Variants in GLRA3 observed in about 807,000 individuals in gnomAD.
GLRA3 encodes glycine receptor alpha 3.
Under a neutral mutation model 60.4 loss-of-function variants are expected in GLRA3, and 44 were observed. The observed-to-expected ratio is 0.73, with a 90% CI of 0.57 to 0.94. The LOEUF (loss-of-function observed/expected upper bound fraction) is 0.94, where lower values mean the gene tolerates loss of function less well. Among genes scored for constraint, GLRA3 ranks in the 40% least tolerant of loss-of-function variants. The pLI is 0.00. For missense variants in GLRA3, 508 were observed against 564.6 expected (o/e 0.90, Z 1.02); for synonymous variants, 223 against 192.9 (o/e 1.16, Z -1.29).
intron 5 of GLRA3, among the ~76,000 whole-genome samples, chr4:174,684,225 A>G (rs1579440672): frequency 6.6e-6 from 1 of 152,138 alleles, no homozygotes; most frequent in African/African-American, 2.4e-5. Context: ...TTTCACTACC[A>G]TAAAGGATTC....
intron 2 of GLRA3, among the ~76,000 whole-genome samples, chr4:174,772,285 A>C (rs1230767594): frequency 2.6e-5 from 4 of 152,208 alleles, no homozygotes; most frequent in African/African-American, 9.6e-5. Context: ...TCCAATAAGA[A>C]GCAGAAAGCT....
Position 174,641,998 on chromosome 4 carries a change from C to T in GLRA3, c.*1788G>A. 9.5e-6 allele frequency: 2 copies of T among 211,268 alleles called. No individual in the cohort carries two copies. Among genetic ancestry groups the T allele is most frequent in the Non-Finnish European group, 1.6e-5 (2 of 122,378 alleles). 13.1% of individuals were successfully genotyped at this position (211,268 alleles called of 1,614,324 possible). A position where few individuals can be genotyped will look rare whatever the true frequency, so the allele number is the denominator to read the frequency against. On this transcript the variant is annotated 3_prime_UTR_variant, in exon 10 of 10. Coordinates refer to ENST00000274093, the MANE Select transcript of GLRA3 (RefSeq NM_006529.4). ...ATGTTTAATTTTCAGGTGCACAGTC[C>T]TCAACGTGGGTACTTACAGAGTAAC...
intron 1 of GLRA3, among the ~76,000 whole-genome samples, chr4:174,800,836 G>A (rs1407686461): frequency 1.3e-5 from 2 of 151,976 alleles, no homozygotes; most frequent in Non-Finnish European, 2.9e-5. Flanking sequence ...CTTTCTGATG[G>A]TTTGGGCTGC....
chr4:174,777,400 C>T (rs1173859411), intron 2 of GLRA3, among the ~76,000 whole-genome samples: 1 of 152,042 alleles, frequency 6.6e-6, no homozygotes, highest in East Asian at 1.9e-4. Context: ...CACAGAGGAA[C>T]CTGAAAAGCA....
intron 1 of GLRA3, among the ~76,000 whole-genome samples, chr4:174,820,285 C>T (rs1740691158): frequency 6.6e-6 from 1 of 151,964 alleles, no homozygotes; most frequent in Admixed American, 6.6e-5. Context: ...CAAATGTTCC[C>T]CTGAATGTTA....
rs573081699 is a variant in GLRA3 at position 174,779,578 on chromosome 4, G to T, written c.199+9238C>A. On this transcript the variant is annotated intron_variant, in intron 2 of 9. Transcript: ENST00000274093. ...TGAAAACTTTGAAAAAAATTTAGAAGAATGTATAACTAGAATAACCAATAC... is the reference window on the plus strand; with the variant it reads ...TGAAAACTTTGAAAAAAATTTAGAATAATGTATAACTAGAATAACCAATAC... Among the ~76,000 whole-genome samples, 13 of 152,224 alleles carry T rather than the reference G, an allele frequency of 8.5e-5. No homozygotes were observed. The East Asian group carries it at 2.5e-3, about 29-fold the overall frequency.
intron 5 of GLRA3, among the ~76,000 whole-genome samples, chr4:174,694,349 A>G (rs6553806): frequency 0.6 from 90,698 of 151,846 alleles, 27,368 homozygotes; most frequent in South Asian, 0.67. Context: ...AAAAACAATC[A>G]TCAACAAATT....
rs113721911 is a variant in GLRA3 at position 174,643,069 on chromosome 4, A to G, written c.*717T>C. On this transcript the variant is annotated 3_prime_UTR_variant, in exon 10 of 10. Coordinates refer to ENST00000274093, the MANE Select transcript of GLRA3 (RefSeq NM_006529.4). Reference sequence around the variant, plus strand: ...AGCTATAATACTTATTTAAAAACAAAGTTGTTTCCCGTATTTCCACCTTCG... The same window carrying G: ...AGCTATAATACTTATTTAAAAACAAGGTTGTTTCCCGTATTTCCACCTTCG... 0.023 allele frequency: 22,200 copies of G among 950,584 alleles called. 276 individuals are homozygous for G. The highest frequency in any genetic ancestry group is 0.026 in the Middle Eastern group (49 of 1,856). The allele number at this position is 950,584 out of a possible 1,614,324, so 58.9% of individuals were successfully genotyped here.
At chr4:174,689,756 T>TAAAAAAAAAAAAAAAAAAAAAA (rs553306775) in intron 5 of GLRA3, among the ~76,000 whole-genome samples, 4 of 39,538 alleles carry the variant, frequency 1.0e-4, no homozygotes, top group African/African-American at 1.1e-4. Context: ...TAAGTCGCAT[T>TAAAAAAAAAAAAAAAAAAAAAA]AAAAAAAAAA....
intron 4 of GLRA3, among the ~76,000 whole-genome samples, chr4:174,721,725 T>C (rs1317146095): frequency 6.6e-6 from 1 of 151,406 alleles, no homozygotes; most frequent in Non-Finnish European, 1.5e-5. Flanking sequence ...AAGACAGATA[T>C]AAATGCCATA....
intron 7 of GLRA3, among the ~76,000 whole-genome samples, chr4:174,668,298 G>A (rs1007975645): frequency 2.6e-5 from 4 of 152,118 alleles, no homozygotes; most frequent in African/African-American, 9.7e-5. Flanking sequence ...GAAATAGATG[G>A]TTTGCATATA....
At chr4:174,768,902 TA>T (rs1471170749) in intron 2 of GLRA3, among the ~76,000 whole-genome samples, 4 of 152,156 alleles carry the variant, frequency 2.6e-5, no homozygotes, top group Admixed American at 6.6e-5. Context: ...TATTTTGTGC[TA>T]GGGGCTAAAA....
intron 2 of GLRA3, among the ~76,000 whole-genome samples, chr4:174,775,317 A>T (rs11133055): frequency 0.73 from 111,411 of 151,952 alleles, 41,141 homozygotes; most frequent in East Asian, 0.99. Flanking sequence ...ATAAAAATGC[A>T]TGTAGAAAAT....
chr4:174,693,443 G>C (rs1734936999), intron 5 of GLRA3, among the ~76,000 whole-genome samples: 1 of 151,924 alleles, frequency 6.6e-6, no homozygotes, highest in Non-Finnish European at 1.5e-5. Flanking sequence ...TTTTTTGTCA[G>C]CTTTTTCAAA....
intron 9 of GLRA3, among the ~76,000 whole-genome samples, chr4:174,650,065 CG>C (rs770902511): frequency 1.2e-4 from 18 of 152,090 alleles, no homozygotes; most frequent in Non-Finnish European, 2.1e-4. Flanking sequence ...TGACTAGGTA[CG>C]GGTGGCTAAT....
chr4:174,810,782 C>T (rs558543272), intron 1 of GLRA3, among the ~76,000 whole-genome samples: 1 of 152,252 alleles, frequency 6.6e-6, no homozygotes, highest in East Asian at 1.9e-4. Context: ...GCTTCATACA[C>T]AAGCTTTAAA....
intron 7 of GLRA3, among the ~76,000 whole-genome samples, chr4:174,660,050 ATG>A (rs1733377309): frequency 6.6e-6 from 1 of 151,408 alleles, no homozygotes; most frequent in African/African-American, 2.4e-5. Context: ...TTGTGTGTGT[ATG>A]TGTGTGTATA....
intron 4 of GLRA3, among the ~76,000 whole-genome samples, chr4:174,718,426 TG>T (rs1402382288): frequency 2.0e-5 from 3 of 152,200 alleles, no homozygotes; most frequent in Non-Finnish European, 2.9e-5. Flanking sequence ...TAAGAAGTCT[TG>T]GGAAAGACTT....
At chr4:174,704,045 A>G (rs1735423121) in intron 5 of GLRA3, among the ~76,000 whole-genome samples, 1 of 104,080 alleles carries the variant, frequency 9.6e-6, no homozygotes, top group Non-Finnish European at 2.3e-5. Flanking sequence ...ATGTAATCCC[A>G]TTTTTTGGGG....
Sources: gnomAD v4.1 joint callset for allele counts (sites outside exome capture counted in the v4.1 genomes callset) on GRCh38, gnomAD v4.1.1 for gene constraint, MANE v1.5 for transcripts, NCBI Gene and HGNC (gene_info 2026-07-23, HGNC 2026-07-21) for gene names.